The following PPFIA3 variants were observed in gnomAD, a reference collection of about 807,000 sequenced individuals.
The protein encoded by PPFIA3 is liprin-alpha-3.
Under a neutral mutation model 145.8 loss-of-function variants are expected in PPFIA3, and 26 were observed. That is an observed-to-expected ratio of 0.18 (90% confidence interval 0.13 to 0.25). The LOEUF (loss-of-function observed/expected upper bound fraction) is 0.25, where lower values mean the gene tolerates loss of function less well. Among genes scored for constraint, PPFIA3 ranks in the 10% least tolerant of loss-of-function variants. The pLI is 1.00. For missense variants in PPFIA3, 1,008 were observed against 1,587.8 expected (o/e 0.63, Z 6.21); for synonymous variants, 645 against 661.4 (o/e 0.98, Z 0.38).
intron 16 of PPFIA3, 151 bp from the exon 17 acceptor site, chr19:49,139,517 C>CAACT: frequency 1.9e-6 from 1 of 535,848 alleles, no homozygotes; most frequent in Non-Finnish European, 2.8e-6. Flanking sequence ...AAAGTTTCTG[C>CAACT]AACTCACCCT....
intron 21 of PPFIA3, among the ~76,000 whole-genome samples, chr19:49,144,646 C>T (rs1003636628): frequency 3.3e-5 from 5 of 151,586 alleles, no homozygotes; most frequent in East Asian, 3.9e-4. Context: ...CCCAGGAGGT[C>T]GAGGCTGCAG....
chr19:49,141,942 T>TGG, intron 19 of PPFIA3, 92 bp from the exon 20 acceptor site: 1 of 897,310 alleles, frequency 1.1e-6, no homozygotes, highest in Non-Finnish European at 1.7e-6. Context: ...TGTGCATGTG[T>TGG]GTGTGTGTGT....
At chr19:49,147,666 A>T (rs1162395223) in intron 23 of PPFIA3, among the ~76,000 whole-genome samples, 1 of 150,182 alleles carries the variant, frequency 6.7e-6, no homozygotes, top group African/African-American at 2.5e-5. Flanking sequence ...AGCCTGGGTG[A>T]CATAGCAGAC....
intron 21 of PPFIA3, among the ~76,000 whole-genome samples, chr19:49,145,294 G>T (rs1004657856): frequency 6.6e-6 from 1 of 152,052 alleles, no homozygotes; most frequent in Non-Finnish European, 1.5e-5. Flanking sequence ...TGATGTGCCC[G>T]CCTCAGCCTC....
At chr19:49,121,489 T>A (rs1208885098) in intron 1 of PPFIA3, among the ~76,000 whole-genome samples, 1 of 151,982 alleles carries the variant, frequency 6.6e-6, no homozygotes, top group Non-Finnish European at 1.5e-5. Flanking sequence ...AAAAAAAAAT[T>A]TTTTTGGCCA....
Position 49,149,820 on chromosome 19 carries a change from C to G in PPFIA3, c.3526+102C>G. 1 of 1,397,264 alleles carries G rather than the reference C, an allele frequency of 7.2e-7. No homozygotes were observed. Among genetic ancestry groups the G allele is most frequent in the South Asian group, 1.4e-5 (1 of 71,040 alleles). The allele number at this position is 1,397,264 out of a possible 1,614,324, so 86.6% of individuals were successfully genotyped here. ...CTGGAATGGCCTAGTCCTTTCTCGC[C>G]CACCCCTGAGGAATGGACTGCTCCA... On this transcript the variant is annotated intron_variant, in intron 28 of 29. Transcript: ENST00000334186. The surrounding 1 kb of genome is among the most constrained non-coding windows in gnomAD (Gnocchi z 5.7).
intron 13 of PPFIA3, among the ~76,000 whole-genome samples, 186 bp downstream of exon 13, chr19:49,135,101 G>C (rs980684299): frequency 2.6e-5 from 4 of 152,120 alleles, no homozygotes; most frequent in African/African-American, 7.2e-5. Flanking sequence ...GAATGCAGTG[G>C]CACGATTCCG....
In PPFIA3 at chr19:49,149,457, G is replaced by C; in HGVS notation, c.3355-90G>C. 2 of 1,586,382 alleles carry C rather than the reference G, an allele frequency of 1.3e-6. No individual in the cohort carries two copies. The highest frequency in any genetic ancestry group is 1.7e-6 in the Non-Finnish European group (2 of 1,158,162). On this transcript the variant is annotated intron_variant, in intron 27 of 29. Coordinates refer to ENST00000334186, the MANE Select transcript of PPFIA3 (RefSeq NM_003660.4). The surrounding 1 kb of genome is among the most constrained non-coding windows in gnomAD (Gnocchi z 5.7). ...AGGAGAGGGGCGGGGTTAAAGGAGAGGTGAGACCCGGAGAGGGGTGGAGTC... is the reference window on the plus strand; with the variant it reads ...AGGAGAGGGGCGGGGTTAAAGGAGACGTGAGACCCGGAGAGGGGTGGAGTC...
Position 49,139,951 on chromosome 19 carries a change from G to T in PPFIA3, c.2241-10G>T. 2.5e-6 allele frequency: 4 copies of T among 1,614,062 alleles called. No individual in the cohort carries two copies. On this transcript the variant is annotated splice_polypyrimidine_tract_variant and intron_variant, in intron 17 of 29. Transcript: ENST00000334186. ...CAAGCATATGCTCTCATTCTCTCCTGCTTTCCCAGTGAGGGCACCCCAGAT... is the reference window on the plus strand; with the variant it reads ...CAAGCATATGCTCTCATTCTCTCCTTCTTTCCCAGTGAGGGCACCCCAGAT...
At chr19:49,131,245 T>C (rs1426714511) in intron 7 of PPFIA3, among the ~76,000 whole-genome samples, 1 of 144,672 alleles carries the variant, frequency 6.9e-6, no homozygotes, top group Admixed American at 7.1e-5. Flanking sequence ...CTTGGCTCAC[T>C]GCAACCTCTG....
intron 1 of PPFIA3, among the ~76,000 whole-genome samples, chr19:49,126,262 T>C (rs1483144180): frequency 2.0e-5 from 3 of 151,772 alleles, no homozygotes; most frequent in African/African-American, 7.3e-5. Context: ...CTGTGTTTTT[T>C]TTTTGAAATG....
intron 1 of PPFIA3, among the ~76,000 whole-genome samples, 179 bp downstream of exon 1, chr19:49,119,901 C>G (rs547324065): frequency 2.8e-4 from 43 of 151,948 alleles, no homozygotes; most frequent in South Asian, 6.2e-4. Context: ...AGTCCCCGAC[C>G]GAACCCTAGA....
intron 1 of PPFIA3, among the ~76,000 whole-genome samples, chr19:49,124,938 G>A (rs994599097): frequency 6.6e-6 from 1 of 152,108 alleles, no homozygotes; most frequent in African/African-American, 2.4e-5. Context: ...GTGGCGGCAC[G>A]AGCCTGTAGT....
intron 15 of PPFIA3, among the ~76,000 whole-genome samples, chr19:49,137,886 C>T (rs1160852762): frequency 6.6e-6 from 1 of 152,130 alleles, no homozygotes; most frequent in Non-Finnish European, 1.5e-5. Context: ...TACAGGCCAC[C>T]TTGAACTTGA....
At chr19:49,132,430 A>AGAGAGAAC (rs1263423758) in intron 7 of PPFIA3, among the ~76,000 whole-genome samples, 1 of 143,384 alleles carries the variant, frequency 7.0e-6, no homozygotes, top group Non-Finnish European at 1.5e-5. Context: ...AGAAAGAGAG[A>AGAGAGAAC]GAGAGAACCT....
chr19:49,146,865 G>A (rs774742060), intron 23 of PPFIA3, among the ~76,000 whole-genome samples: 11 of 152,112 alleles, frequency 7.2e-5, no homozygotes, highest in Non-Finnish European at 1.5e-4. Context: ...AGGAGGTAGA[G>A]GTTGCACTGA....
intron 5 of PPFIA3, 64 bp downstream of exon 5, chr19:49,129,518 G>T: frequency 6.6e-7 from 1 of 1,513,846 alleles, no homozygotes; most frequent in African/African-American, 1.4e-5. Context: ...CTGCCCACGG[G>T]GCGGAGCCGG....
At position 49,149,992 on chromosome 19, in the gene PPFIA3, T is replaced by A; in HGVS notation, c.3527-88T>A. On this transcript the variant is annotated intron_variant, in intron 28 of 29. Transcript: ENST00000334186. This position sits in a 1 kb window ranked among gnomAD's most constrained non-coding sequence, Gnocchi z 5.7. The stretch of plus-strand genomic sequence containing the variant: ...GTGGAGCCCGGCGATCGTTGTGACA[T>A]CGGGAAGGGAAGTCCAAAGGGAGGA... 6.9e-7 allele frequency: 1 copy of A among 1,440,074 alleles called. No individual in the cohort carries two copies. The highest frequency in any genetic ancestry group is 9.5e-7 in the Non-Finnish European group (1 of 1,052,926). 89.2% of individuals were successfully genotyped at this position (1,440,074 alleles called of 1,614,324 possible).
rs2041100291 is a variant in PPFIA3 at position 49,133,489 on chromosome 19, GT to G, written c.1161+119del. The G allele has an allele frequency of 7.8e-7, 1 of 1,282,952 alleles. No individual in the cohort carries two copies. The highest frequency in any genetic ancestry group is 2.5e-5 in the East Asian group (1 of 39,522). The allele number at this position is 1,282,952 out of a possible 1,614,324, so 79.5% of individuals were successfully genotyped here. ...CAGAACCCCGGATTTGGGGGAAAGG[GT>G]GGGGCCTAGGGGCTGGGAAAGGGAC... On this transcript the variant is annotated intron_variant, in intron 9 of 29. Transcript: ENST00000334186. This position sits in a 1 kb window ranked among gnomAD's most constrained non-coding sequence, Gnocchi z 7.2.
Sources: gnomAD v4.1 joint callset for allele counts (sites outside exome capture counted in the v4.1 genomes callset) on GRCh38, gnomAD v4.1.1 for gene constraint, Gnocchi (gnomAD v3.1) non-coding constraint, MANE v1.5 for transcripts, NCBI Gene and HGNC (gene_info 2026-07-23, HGNC 2026-07-21) for gene names.